Variants in PPP2R2B observed in about 807,000 individuals in gnomAD.
PPP2R2B encodes the protein serine/threonine-protein phosphatase 2A 55 kDa regulatory subunit B beta isoform.
In PPP2R2B, 5 loss-of-function variants were observed where a neutral mutation model predicts 46.0. That is an observed-to-expected ratio of 0.11 (90% confidence interval 0.06 to 0.23). The LOEUF (loss-of-function observed/expected upper bound fraction) is 0.23. Among genes scored for constraint, PPP2R2B ranks in the 10% least tolerant of loss-of-function variants. The pLI, the probability that PPP2R2B is intolerant of heterozygous loss-of-function variation, is 1.00. For missense variants in PPP2R2B, 367 were observed against 575.0 expected (o/e 0.64, Z 3.70); for synonymous variants, 215 against 206.7 (o/e 1.04, Z -0.34).
At chr5:146,895,061 C>T (rs947734324) in intron 1 of PPP2R2B, among the ~76,000 whole-genome samples, 3 of 152,122 alleles carry the variant, frequency 2.0e-5, no homozygotes, top group African/African-American at 2.4e-5. Context: ...TGGGGTATTA[C>T]AAGAGAAGGA....
intron 1 of PPP2R2B, among the ~76,000 whole-genome samples, chr5:146,970,685 A>G (rs1339682520): frequency 1.3e-5 from 2 of 152,196 alleles, no homozygotes; most frequent in Non-Finnish European, 2.9e-5. Context: ...AGAGGAATTT[A>G]CAAAGGAGAT....
chr5:146,927,737 CTTT>C (rs1203303963), intron 1 of PPP2R2B, among the ~76,000 whole-genome samples: 6 of 142,462 alleles, frequency 4.2e-5, no homozygotes, highest in Non-Finnish European at 3.1e-5. Flanking sequence ...ATACTTTCTT[CTTT>C]TTTTTTTTTT....
At chr5:146,614,007 G>T (rs1474968518) in intron 7 of PPP2R2B, among the ~76,000 whole-genome samples, 1 of 97,708 alleles carries the variant, frequency 1.0e-5, no homozygotes, top group Non-Finnish European at 1.9e-5. Flanking sequence ...CTACTTTAAA[G>T]TTCATATGGA....
chr5:146,729,031 G>A (rs1752059158), intron 2 of PPP2R2B, among the ~76,000 whole-genome samples: 1 of 151,884 alleles, frequency 6.6e-6, no homozygotes, highest in South Asian at 2.1e-4. Flanking sequence ...AGTTTGAAGG[G>A]CTCAGAAGAA....
chr5:146,976,838 A>G (rs1752929897), intron 1 of PPP2R2B, among the ~76,000 whole-genome samples: 1 of 152,078 alleles, frequency 6.6e-6, no homozygotes, highest in Non-Finnish European at 1.5e-5. Flanking sequence ...TTTACTATGA[A>G]TTTTTAGACT....
At chr5:146,750,416 C>A (rs1219601600) in intron 2 of PPP2R2B, among the ~76,000 whole-genome samples, 1 of 152,164 alleles carries the variant, frequency 6.6e-6, no homozygotes, top group Non-Finnish European at 1.5e-5. Flanking sequence ...GTTGGGTAGA[C>A]AAGTCCTATG....
chr5:146,885,232 G>A (rs1455704007), intron 1 of PPP2R2B, among the ~76,000 whole-genome samples: 1 of 152,144 alleles, frequency 6.6e-6, no homozygotes, highest in African/African-American at 2.4e-5. Flanking sequence ...GGCTAATAGA[G>A]GTAAATAATA....
At chr5:146,957,450 A>C (rs1350154388) in intron 1 of PPP2R2B, among the ~76,000 whole-genome samples, 1 of 152,246 alleles carries the variant, frequency 6.6e-6, no homozygotes. Context: ...GGGGCACAGT[A>C]GGAATTTTAC....
chr5:147,025,399 T>A lies in PPP2R2B; in HGVS notation c.79+30266A>T, dbSNP rs142825661. Among the ~76,000 whole-genome samples, 702 of 151,054 alleles carry A rather than the reference T, an allele frequency of 4.6e-3. 7 individuals carry two copies. Among genetic ancestry groups the A allele is most frequent in the African/African-American group, 0.016 (668 of 41,188 alleles). On this transcript the variant is annotated intron_variant, in intron 1 of 8. Transcript: ENST00000336640. ...CAAAAAATGGAGAAGAAAGAAACAATCCCTAACATGTTATAGGAGGCAAGC... is the reference window on the plus strand; with the variant it reads ...CAAAAAATGGAGAAGAAAGAAACAAACCCTAACATGTTATAGGAGGCAAGC...
intron 4 of PPP2R2B, among the ~76,000 whole-genome samples, chr5:146,694,720 A>T (rs1779074552): frequency 6.6e-6 from 1 of 152,116 alleles, no homozygotes; most frequent in African/African-American, 2.4e-5. Flanking sequence ...GATACATGGA[A>T]TGTTTATTAA....
chr5:146,685,275 T>G (rs1266791167), intron 5 of PPP2R2B, among the ~76,000 whole-genome samples: 2 of 152,218 alleles, frequency 1.3e-5, no homozygotes, highest in African/African-American at 4.8e-5. Context: ...GTTTACTATT[T>G]GCAAGGCCTT....
intron 1 of PPP2R2B, among the ~76,000 whole-genome samples, chr5:146,947,980 G>T (rs577970205): frequency 1.3e-5 from 2 of 151,930 alleles, no homozygotes; most frequent in South Asian, 4.2e-4. Context: ...GCAAAGGCAT[G>T]CACTCATGAG....
At chr5:146,647,681 C>T (rs957536569) in intron 6 of PPP2R2B, among the ~76,000 whole-genome samples, 1 of 152,164 alleles carries the variant, frequency 6.6e-6, no homozygotes, top group African/African-American at 2.4e-5. Context: ...AAAGAAACTC[C>T]CCTCCCCCTT....
intron 3 of PPP2R2B, among the ~76,000 whole-genome samples, 173 bp from the exon 4 acceptor site, chr5:146,698,317 A>AAAAAT (rs1250416449): frequency 5.7e-4 from 49 of 85,642 alleles, no homozygotes; most frequent in Non-Finnish European, 6.8e-4. Flanking sequence ...AAAAAAAAAA[A>AAAAAT]ATATATATAT....
intron 1 of PPP2R2B, among the ~76,000 whole-genome samples, chr5:146,936,757 G>A (rs779551704): frequency 1.3e-5 from 2 of 151,958 alleles, no homozygotes; most frequent in Non-Finnish European, 2.9e-5. Flanking sequence ...CACCTGTACT[G>A]AGAATTTACT....
At chr5:146,744,635 A>C (rs1417908990) in intron 2 of PPP2R2B, among the ~76,000 whole-genome samples, 1 of 152,216 alleles carries the variant, frequency 6.6e-6, no homozygotes, top group Non-Finnish European at 1.5e-5. Context: ...ATTTGTACTC[A>C]GGGACTCAGC....
At chr5:146,709,191 G>C (rs1780075255) in intron 2 of PPP2R2B, among the ~76,000 whole-genome samples, 1 of 152,146 alleles carries the variant, frequency 6.6e-6, no homozygotes, top group African/African-American at 2.4e-5. Context: ...CCTCTTAGAT[G>C]AAAGAATACA....
chr5:147,059,684 C>T (rs774721198), upstream of PPP2R2B, among the ~76,000 whole-genome samples: 34 of 152,282 alleles, frequency 2.2e-4, no homozygotes, highest in South Asian at 4.1e-4. Context: ...AGATGATTTC[C>T]GCATGTCAGG....
chr5:146,682,882 G>A (rs1778266315), intron 5 of PPP2R2B, among the ~76,000 whole-genome samples: 1 of 152,152 alleles, frequency 6.6e-6, no homozygotes, highest in Non-Finnish European at 1.5e-5. Flanking sequence ...TAATAATGTT[G>A]TCCTCAGACT....
Sources: gnomAD v4.1 joint callset for allele counts (sites outside exome capture counted in the v4.1 genomes callset) on GRCh38, gnomAD v4.1.1 for gene constraint, MANE v1.5 for transcripts, NCBI Gene and HGNC (gene_info 2026-07-23, HGNC 2026-07-21) for gene names.